DIAPH3: variants seen among roughly 807,000 people sequenced by gnomAD.
The protein encoded by DIAPH3 is diaphanous related formin 3, also known as protein diaphanous homolog 3.
In DIAPH3, 117 loss-of-function variants were observed where a neutral mutation model predicts 144.3. The ratio of observed to expected loss-of-function variants is 0.81; its 90% CI spans 0.70 to 0.95. DIAPH3 has a LOEUF of 0.95. Among genes scored for constraint, DIAPH3 ranks in the 40% least tolerant of loss-of-function variants. DIAPH3 has a pLI of 0.00. For synonymous variants in DIAPH3, 519 were observed against 488.9 expected (o/e 1.06, Z -0.81); for missense variants, 1,421 against 1,412.7 (o/e 1.01, Z -0.09).
intron 20 of DIAPH3, among the ~76,000 whole-genome samples, chr13:59,886,218 T>A (rs896260374): frequency 6.6e-6 from 1 of 152,102 alleles, no homozygotes; most frequent in Non-Finnish European, 1.5e-5. Context: ...TAAGGTGTGA[T>A]GCAGGAGTTG....
chr13:60,083,822 T>C (rs532885250), intron 4 of DIAPH3, among the ~76,000 whole-genome samples: 1 of 152,116 alleles, frequency 6.6e-6, no homozygotes, highest in South Asian at 2.1e-4. Flanking sequence ...GAGGATCACT[T>C]GAGCCCAGGA....
At chr13:59,666,943 T>C in intron 27 of DIAPH3, 97 bp from the exon 28 acceptor site, 1 of 1,394,574 alleles carries the variant, frequency 7.2e-7, no homozygotes, top group African/African-American at 1.4e-5. Flanking sequence ...TCTCAATAAA[T>C]AAGTAGTCTT....
chr13:59,756,513 G>T (rs1199284432), intron 27 of DIAPH3, among the ~76,000 whole-genome samples: 1 of 133,466 alleles, frequency 7.5e-6, no homozygotes, highest in African/African-American at 2.7e-5. Context: ...AGGCAGGCAG[G>T]TAGTCAGGCA....
At position 60,015,934 on chromosome 13, in the gene DIAPH3, T is replaced by C. The variant is rs2053612268; in HGVS notation, c.750A>G (p.Leu250=). The change falls in exon 7 of 28, where the codon CTA becomes CTG. Residue 250 remains leucine (L), a synonymous_variant. Coordinates refer to ENST00000400324, the MANE Select transcript of DIAPH3 (RefSeq NM_001042517.2). ...ATACCTGCGTATTCATCAGGGCTTTTAGACACTGTATGACTTTATGTTGAT... is the reference window on the plus strand; with the variant it reads ...ATACCTGCGTATTCATCAGGGCTTTCAGACACTGTATGACTTTATGTTGAT... The part of the protein sequence containing the change: ...KKNQHKVIQC[L]KALMNTQYGL... 6 of 1,613,260 alleles carry C rather than the reference T, an allele frequency of 3.7e-6. No homozygotes were observed. Among genetic ancestry groups the C allele is most frequent in the Non-Finnish European group, 5.1e-6 (6 of 1,179,706 alleles).
At chr13:59,726,471 C>T (rs140405112) in intron 27 of DIAPH3, among the ~76,000 whole-genome samples, 7 of 152,292 alleles carry the variant, frequency 4.6e-5, no homozygotes, top group African/African-American at 1.7e-4. Context: ...ACTTTCCTAT[C>T]CTATGTTCCA....
chr13:59,912,114 C>T (rs2047024844), intron 19 of DIAPH3, among the ~76,000 whole-genome samples: 2 of 152,092 alleles, frequency 1.3e-5, no homozygotes, highest in Non-Finnish European at 2.9e-5. Flanking sequence ...AGAACTCAAC[C>T]TATACCAAAG....
chr13:59,967,790 T>C (rs967888182), intron 17 of DIAPH3, among the ~76,000 whole-genome samples: 1 of 152,146 alleles, frequency 6.6e-6, no homozygotes, highest in Non-Finnish European at 1.5e-5. Flanking sequence ...CCCAAAAAAA[T>C]AGTCACCTTT....
chr13:59,833,159 A>T lies in DIAPH3; in HGVS notation c.2975T>A (p.Val992Glu). Residue 992 changes from valine to glutamate, a missense_variant, in exon 24 of 28, where the codon GTG (valine) becomes GAG (glutamate). Coordinates refer to ENST00000400324, the MANE Select transcript of DIAPH3 (RefSeq NM_001042517.2). ...GTCAGTAAGAAAGTCTTCCACAGAC[A>T]CCTTCTTCACATCAATGGCATAGTA... ...IGYYAIDVKK[V>E]SVEDFLTDLN... 1 of 1,610,964 alleles carries T rather than the reference A, an allele frequency of 6.2e-7. No individual in the cohort carries two copies. Among genetic ancestry groups the T allele is most frequent in the Non-Finnish European group, 8.5e-7 (1 of 1,178,114 alleles).
intron 17 of DIAPH3, among the ~76,000 whole-genome samples, chr13:59,938,849 G>A (rs1039770567): frequency 1.3e-5 from 2 of 152,132 alleles, no homozygotes; most frequent in African/African-American, 4.8e-5. Context: ...AGTATCAGCT[G>A]GAGAAGATAA....
intron 17 of DIAPH3, among the ~76,000 whole-genome samples, chr13:59,925,197 C>G (rs892231119): frequency 6.6e-6 from 1 of 152,058 alleles, no homozygotes; most frequent in Non-Finnish European, 1.5e-5. Context: ...ATACAGGATA[C>G]AGTTATAAAA....
chr13:60,003,404 T>C (rs2052641760), intron 9 of DIAPH3, among the ~76,000 whole-genome samples: 1 of 152,058 alleles, frequency 6.6e-6, no homozygotes, highest in African/African-American at 2.4e-5. Context: ...ATTATGTTGC[T>C]TGCAGCTGAG....
At position 59,861,471 on chromosome 13, in the gene DIAPH3, T is replaced by C; in HGVS notation, c.2673A>G (p.Glu891=). The change falls in exon 22 of 28, where the codon GAA becomes GAG. Residue 891 remains glutamate, a synonymous_variant. Transcript: ENST00000400324. ...AATTCAGTATATCAGGGTACTTCTC[T>C]TCACATATTTCTACCAGGAAATGAA... ...TLLHFLVEIC[E]EKYPDILNFV... is the part of the protein sequence containing the mutation. 1 of 1,613,832 alleles carries C rather than the reference T, an allele frequency of 6.2e-7. No homozygotes were observed. Among genetic ancestry groups the C allele is most frequent in the Non-Finnish European group, 8.5e-7 (1 of 1,179,876 alleles).
intron 4 of DIAPH3, among the ~76,000 whole-genome samples, chr13:60,092,955 T>C (rs2137906491): frequency 6.6e-6 from 1 of 152,350 alleles, no homozygotes; most frequent in East Asian, 1.9e-4. Context: ...CCACTGTCTT[T>C]CTACTGATTG....
intron 4 of DIAPH3, among the ~76,000 whole-genome samples, chr13:60,061,139 G>A (rs961791425): frequency 7.2e-5 from 11 of 152,040 alleles, no homozygotes; most frequent in African/African-American, 2.4e-4. Context: ...ACAAGAACCA[G>A]GTCTTAAAAG....
intron 9 of DIAPH3, among the ~76,000 whole-genome samples, chr13:59,997,221 T>C (rs2052256715): frequency 6.6e-6 from 1 of 152,060 alleles, no homozygotes; most frequent in Non-Finnish European, 1.5e-5. Flanking sequence ...CCACTCACTC[T>C]TCCCAGACTG....
intron 22 of DIAPH3, among the ~76,000 whole-genome samples, chr13:59,852,930 A>G (rs1182577605): frequency 3.9e-5 from 6 of 152,324 alleles, no homozygotes; most frequent in African/African-American, 1.4e-4. Context: ...AATAACACCC[A>G]CACTATAAGA....
chr13:60,030,290 A>G (rs1005273828), intron 5 of DIAPH3, among the ~76,000 whole-genome samples: 2 of 152,156 alleles, frequency 1.3e-5, no homozygotes, highest in African/African-American at 4.8e-5. Context: ...ATCCTGTGCT[A>G]TATTTTAGTG....
rs564468389 is a variant in DIAPH3, at chr13:59,961,294, C to G, written c.2074+8650G>C. ...ACTGCAAAAGATGCTTTACAATATG[C>G]ATTATATAATCCTCACAATAACCTC... On this transcript the variant is annotated intron_variant, in intron 17 of 27. Coordinates refer to ENST00000400324, the MANE Select transcript of DIAPH3 (RefSeq NM_001042517.2). Among the ~76,000 whole-genome samples, 3 of 152,302 alleles carry G rather than the reference C, an allele frequency of 2.0e-5. No individual in the cohort carries two copies. In the South Asian group the frequency reaches 6.2e-4, roughly 32 times the overall value.
intron 27 of DIAPH3, among the ~76,000 whole-genome samples, chr13:59,731,500 AG>A (rs2035888288): frequency 6.6e-6 from 1 of 152,220 alleles, no homozygotes; most frequent in Non-Finnish European, 1.5e-5. Context: ...ACAACAAAAA[AG>A]AATGCCATTC....
Sources: gnomAD v4.1 joint callset for allele counts (sites outside exome capture counted in the v4.1 genomes callset) on GRCh38, gnomAD v4.1.1 for gene constraint, MANE v1.5 for transcripts, NCBI Gene and HGNC (gene_info 2026-07-23, HGNC 2026-07-21) for gene names.